TSPAN7: variants seen among roughly 807,000 people sequenced by gnomAD.
TSPAN7 encodes tetraspanin-7.
Under a neutral mutation model 17.6 loss-of-function variants are expected in TSPAN7, and 1 was observed. That is an observed-to-expected ratio of 0.06 (90% CI 0.02 to 0.27). The LOEUF (loss-of-function observed/expected upper bound fraction) is 0.27, where lower values mean the gene tolerates loss of function less well. TSPAN7 is among the 10% of genes least tolerant of loss of function. TSPAN7 has a pLI of 1.00. For synonymous variants in TSPAN7, 78 were observed against 79.0 expected, an observed-to-expected ratio of 0.99 and a Z score of 0.07; for missense variants, 112 against 201.7, an observed-to-expected ratio of 0.56 and a Z score of 2.69.
chrX:38,604,529 C>T (rs2069366130), intron 1 of TSPAN7, among the ~76,000 whole-genome samples: 1 of 111,295 alleles, frequency 9.0e-6, no homozygotes, highest in South Asian at 3.8e-4. Flanking sequence ...TCCTCTCTAG[C>T]ACCTGTTTCC....
chrX:38,659,823 C>CTTTTTTTT (rs748922281), intron 1 of TSPAN7, among the ~76,000 whole-genome samples: 2 of 61,603 alleles, frequency 3.2e-5, no homozygotes, highest in African/African-American at 6.4e-5. Context: ...TTTTCTTTTT[C>CTTTTTTTT]TTTTTTTTTT....
chrX:38,643,344 T>C (rs1362310023), intron 1 of TSPAN7, among the ~76,000 whole-genome samples: 1 of 110,198 alleles, frequency 9.1e-6, no homozygotes, highest in Non-Finnish European at 1.9e-5. Context: ...GGGGAATGTG[T>C]CTGCAATGTG....
At chrX:38,675,905 T>C in intron 5 of TSPAN7, 45 bp downstream of exon 5, 2 of 1,176,504 alleles carry the variant, frequency 1.7e-6, no homozygotes, top group Non-Finnish European at 2.3e-6. Flanking sequence ...GGTGAATGTT[T>C]GGGGGGGCTT....
Position 38,561,786 on chromosome X carries a change from TG to T in TSPAN7, c.81+161del, listed in dbSNP as rs769722058. On this transcript the variant is annotated intron_variant, in intron 1 of 7. Transcript: ENST00000378482. ...GGGGTGCTGGGTCGGGGCTGCAGGA[TG>T]GCAGGGTGCGGGTCGGGGCTGCTGG... Among the ~76,000 whole-genome samples, 6 of 110,512 alleles carry T rather than the reference TG, an allele frequency of 5.4e-5. No homozygotes were observed. In the East Asian group the frequency reaches 1.7e-3, roughly 32 times the overall value.
intron 1 of TSPAN7, among the ~76,000 whole-genome samples, chrX:38,617,637 C>G (rs769210842): frequency 8.9e-6 from 1 of 112,365 alleles, no homozygotes; most frequent in South Asian, 3.7e-4. Context: ...ACTTAGAAAT[C>G]TGCATTTTGA....
At chrX:38,649,633 G>A (rs190411093) in intron 1 of TSPAN7, among the ~76,000 whole-genome samples, 1,545 of 111,410 alleles carry the variant, frequency 0.014, 24 homozygotes, top group African/African-American at 0.048. Context: ...GTGGCTACCC[G>A]AGTTGGGTTT....
intron 2 of TSPAN7, 86 bp from the exon 3 acceptor site, chrX:38,671,290 C>T: frequency 2.2e-6 from 2 of 924,528 alleles, no homozygotes; most frequent in East Asian, 3.1e-5. Context: ...TGTCTAATTC[C>T]CGCTGATTGA....
intron 1 of TSPAN7, among the ~76,000 whole-genome samples, chrX:38,638,301 A>G (rs978581212): frequency 1.8e-5 from 2 of 112,411 alleles, no homozygotes; most frequent in Non-Finnish European, 3.8e-5. Flanking sequence ...CAGGCCCCCT[A>G]TGGTACAATC....
At chrX:38,580,631 A>C (rs2069222603) in intron 1 of TSPAN7, among the ~76,000 whole-genome samples, 1 of 112,191 alleles carries the variant, frequency 8.9e-6, no homozygotes, top group South Asian at 3.7e-4. Flanking sequence ...ATTAATAGCT[A>C]CTACTATGAT....
intron 1 of TSPAN7, among the ~76,000 whole-genome samples, chrX:38,629,969 C>A (rs1177901642): frequency 1.8e-5 from 2 of 111,506 alleles, no homozygotes; most frequent in Non-Finnish European, 3.8e-5. Context: ...TAGTTGCAGC[C>A]AGAATGAGTT....
At chrX:38,674,397 G>A (rs919084545) in intron 4 of TSPAN7, 81 bp downstream of exon 4, 86 of 870,820 alleles carry the variant, frequency 9.9e-5, no homozygotes, top group Non-Finnish European at 1.4e-4. Flanking sequence ...GGTTGGCCCA[G>A]TAGTTGCTAT....
At chrX:38,563,485 G>A (rs1187389560) in intron 1 of TSPAN7, among the ~76,000 whole-genome samples, 4 of 110,505 alleles carry the variant, frequency 3.6e-5, no homozygotes, top group Non-Finnish European at 7.6e-5. Context: ...GGAGGGGGGA[G>A]GTATTTTTAT....
chrX:38,651,250 G>T (rs1338634681), intron 1 of TSPAN7, among the ~76,000 whole-genome samples: 3 of 110,562 alleles, frequency 2.7e-5, no homozygotes, highest in Non-Finnish European at 5.7e-5. Context: ...TGGATCATGA[G>T]GTCAGGAGAT....
intron 1 of TSPAN7, among the ~76,000 whole-genome samples, chrX:38,613,539 C>T (rs911753607): frequency 1.9e-4 from 21 of 111,216 alleles, no homozygotes; most frequent in African/African-American, 5.6e-4. Flanking sequence ...ATACCTATGA[C>T]AATATATCTT....
intron 1 of TSPAN7, among the ~76,000 whole-genome samples, chrX:38,608,452 A>T (rs778928749): frequency 9.0e-6 from 1 of 111,088 alleles, no homozygotes; most frequent in East Asian, 2.8e-4. Flanking sequence ...TAAAATGTTC[A>T]GTTCCACTGC....
intron 1 of TSPAN7, among the ~76,000 whole-genome samples, chrX:38,621,103 G>A (rs1027832537): frequency 2.7e-5 from 3 of 112,315 alleles, no homozygotes; most frequent in Non-Finnish European, 5.6e-5. Flanking sequence ...AAGCAGCCAT[G>A]TCTTGAGTGA....
intron 1 of TSPAN7, among the ~76,000 whole-genome samples, chrX:38,604,608 C>A (rs981756415): frequency 9.0e-6 from 1 of 111,397 alleles, no homozygotes; most frequent in Admixed American, 9.5e-5. Context: ...ATTTGCATTT[C>A]TCTGATGGCC....
intron 1 of TSPAN7, among the ~76,000 whole-genome samples, chrX:38,621,237 A>C (rs1334187719): frequency 8.9e-6 from 1 of 112,213 alleles, no homozygotes; most frequent in African/African-American, 3.2e-5. Flanking sequence ...ATCATATAGC[A>C]CTTTATTTTT....
Position 38,647,340 on chromosome X carries a change from C to T in TSPAN7, c.82-18781C>T, listed in dbSNP as rs1414458821. On this transcript the variant is annotated intron_variant, in intron 1 of 7. Coordinates refer to ENST00000378482, the MANE Select transcript of TSPAN7 (RefSeq NM_004615.4). ...CCATGTTGGCCAGGCTGGTCTCGAA[C>T]TCCTGACCTCAGGTCATCCGCCTGC... Among the ~76,000 whole-genome samples the T allele has an allele frequency of 3.6e-5, 4 of 112,078 alleles. No homozygotes were observed. The East Asian group carries it at 1.1e-3, about 31-fold the overall frequency.
Sources: gnomAD v4.1 joint callset for allele counts (sites outside exome capture counted in the v4.1 genomes callset) on GRCh38, gnomAD v4.1.1 for gene constraint, MANE v1.5 for transcripts, NCBI Gene and HGNC (gene_info 2026-07-23, HGNC 2026-07-21) for gene names.